ABHD4: variants seen among roughly 807,000 people sequenced by gnomAD.
The protein encoded by ABHD4 is (Lyso)-N-acylphosphatidylethanolamine lipase.
Under a neutral mutation model 42.3 loss-of-function variants are expected in ABHD4, and 35 were observed. The ratio of observed to expected loss-of-function variants is 0.83; its 90% confidence interval spans 0.63 to 1.10. ABHD4 has a LOEUF of 1.10. Ranked by LOEUF, ABHD4 falls within the 50% of genes least tolerant of loss-of-function variation. The pLI, the probability that ABHD4 is intolerant of heterozygous loss-of-function variation, is 0.00. For missense variants in ABHD4, 389 were observed against 454.8 expected (o/e 0.86, Z 1.32); for synonymous variants, 169 against 170.6 (o/e 0.99, Z 0.07).
At chr14:22,604,697 C>T (rs2037329259) in intron 4 of ABHD4, among the ~76,000 whole-genome samples, 1 of 152,154 alleles carries the variant, frequency 6.6e-6, no homozygotes, top group African/African-American at 2.4e-5. Context: ...GCAACCTCCG[C>T]CTCCTGGGTT....
Position 22,604,073 on chromosome 14 carries a change from C to T in ABHD4, c.634C>T (p.Pro212Ser). 6.2e-7 allele frequency: 1 copy of T among 1,614,112 alleles called. No homozygotes were observed. Among genetic ancestry groups the T allele is most frequent in the Non-Finnish European group, 8.5e-7 (1 of 1,180,006 alleles). Reference sequence around the variant, plus strand: ...ATTGGCTGTTCTTCGAGTAGCTGGGCCCTGGGGTGAGTAGCCTGTAGTATC... The same window carrying T: ...ATTGGCTGTTCTTCGAGTAGCTGGGTCCTGGGGTGAGTAGCCTGTAGTATC... ...NPLAVLRVAGPWGPGLVQRFR... is the reference protein window; with the variant it reads ...NPLAVLRVAGSWGPGLVQRFR... Residue 212 changes from proline to serine, a missense_variant, in exon 4 of 7, where the codon CCC (proline) becomes TCC (serine). By Grantham distance (74) the Pro-to-Ser change is moderately conservative (BLOSUM62 -1). Transcript: ENST00000428304.
rs2139277278 is a variant in ABHD4, at chr14:22,612,728, G to A, written c.*1780G>A. On this transcript the variant is annotated 3_prime_UTR_variant, in exon 7 of 7. Coordinates refer to ENST00000428304, the MANE Select transcript of ABHD4 (RefSeq NM_022060.3). ...CTGCTCTAACTTCCTCTCATCCTCT[G>A]GATCTCAGCTCAAATATTCCTTATG... 6.6e-6 allele frequency: 1 copy of A among 152,348 alleles called. No individual in the cohort carries two copies. Among genetic ancestry groups the A allele is most frequent in the East Asian group, 1.9e-4 (1 of 5,186 alleles). 9.4% of individuals were successfully genotyped at this position (152,348 alleles called of 1,614,324 possible).
At chr14:22,599,251 T>C (rs950922422) in intron 1 of ABHD4, among the ~76,000 whole-genome samples, 61 of 152,196 alleles carry the variant, frequency 4.0e-4, no homozygotes, top group African/African-American at 1.3e-3. Context: ...AAGAGGAAAT[T>C]TGCAATGCTT....
At chr14:22,598,463 G>T (rs906642117) in intron 1 of ABHD4, 134 bp downstream of exon 1, 1 of 1,539,160 alleles carries the variant, frequency 6.5e-7, no homozygotes, top group Non-Finnish European at 8.7e-7. Flanking sequence ...GGGGAGGGCG[G>T]GGGGTGGGTG....
intron 1 of ABHD4, among the ~76,000 whole-genome samples, chr14:22,600,501 T>A (rs1014016095): frequency 6.6e-6 from 1 of 152,164 alleles, no homozygotes; most frequent in African/African-American, 2.4e-5. Context: ...CTTCAAATGA[T>A]GTATCAGGAT....
intron 1 of ABHD4, 25 bp downstream of exon 1, chr14:22,598,354 T>C (rs2037241655): frequency 1.9e-6 from 3 of 1,551,530 alleles, no homozygotes. Flanking sequence ...TCCCTTTCTC[T>C]CTTTCTCTCT....
At chr14:22,605,277 GA>G (rs1237623871) in intron 4 of ABHD4, among the ~76,000 whole-genome samples, 2 of 152,288 alleles carry the variant, frequency 1.3e-5, no homozygotes, top group East Asian at 3.9e-4. Flanking sequence ...GTGCAAAGCA[GA>G]AAAGTGCAAT....
intron 1 of ABHD4, chr14:22,598,603 C>G: frequency 1.3e-6 from 1 of 799,390 alleles, no homozygotes; most frequent in Non-Finnish European, 2.0e-6. Context: ...TCATTCTCCT[C>G]TGGCCTCTGG....
Position 22,611,133 on chromosome 14 carries a change from A to G in ABHD4, c.*185A>G, listed in dbSNP as rs934115652. ...TGACCCTACACTGAAGGCTGAAGGC[A>G]GAAGCCACAAGAGGCCTTGAGTGCC... is the stretch of plus-strand genomic sequence containing the variant. On this transcript the variant is annotated 3_prime_UTR_variant, in exon 7 of 7. Coordinates refer to ENST00000428304, the MANE Select transcript of ABHD4 (RefSeq NM_022060.3). 1.7e-5 allele frequency: 10 copies of G among 600,854 alleles called. No homozygotes were observed. The Admixed American group carries it at 1.9e-4, about 11-fold the overall frequency. The allele number at this position is 600,854 out of a possible 1,614,324, so 37.2% of individuals were successfully genotyped here. A position where few individuals can be genotyped will look rare whatever the true frequency, so the allele number is the denominator to read the frequency against.
chr14:22,608,517 T>G (rs944326832), intron 5 of ABHD4, among the ~76,000 whole-genome samples: 1 of 152,200 alleles, frequency 6.6e-6, no homozygotes. Flanking sequence ...GAAGACTGAT[T>G]TTTAATTCCA....
chr14:22,598,411 T>C (rs1211982595), intron 1 of ABHD4, 82 bp downstream of exon 1: 7 of 1,545,408 alleles, frequency 4.5e-6, no homozygotes, highest in Middle Eastern at 1.7e-4. Context: ...TGAGGAACAG[T>C]TGTAGACACC....
rs567915400 is a variant in ABHD4 at position 22,611,973 on chromosome 14, T to G, written c.*1025T>G. The G allele has an allele frequency of 6.5e-6, 1 of 152,980 alleles. No homozygotes were observed. Among genetic ancestry groups the G allele is most frequent in the East Asian group, 1.9e-4 (1 of 5,194 alleles). The allele number at this position is 152,980 out of a possible 1,614,324, so 9.5% of individuals were successfully genotyped here. On this transcript the variant is annotated 3_prime_UTR_variant, in exon 7 of 7. Transcript: ENST00000428304. ...TGGGTTCTCCATGCCCATCAGTCTC[T>G]GCAGTTTCTCTACCTGCCCCCAGAG... is the stretch of plus-strand genomic sequence containing the variant.
At chr14:22,604,423 T>C (rs1194432397) in intron 4 of ABHD4, among the ~76,000 whole-genome samples, 1 of 152,132 alleles carries the variant, frequency 6.6e-6, no homozygotes, top group East Asian at 1.9e-4. Flanking sequence ...GCTAATTTTT[T>C]GTGTTTTTAG....
chr14:22,599,580 T>C (rs1359998970), intron 1 of ABHD4, among the ~76,000 whole-genome samples: 1 of 152,210 alleles, frequency 6.6e-6, no homozygotes, highest in African/African-American at 2.4e-5. Context: ...TGTTTACTTG[T>C]AACATTTTTG....
chr14:22,609,286 C>T (rs1401791823), intron 5 of ABHD4, among the ~76,000 whole-genome samples: 1 of 133,696 alleles, frequency 7.5e-6, no homozygotes, highest in Non-Finnish European at 1.7e-5. Flanking sequence ...GTGTGAGCCA[C>T]CGTGCCCAGC....
chr14:22,607,084 G>C (rs1027228264), intron 5 of ABHD4, among the ~76,000 whole-genome samples: 1 of 152,098 alleles, frequency 6.6e-6, no homozygotes, highest in Non-Finnish European at 1.5e-5. Flanking sequence ...ACTACCAATA[G>C]AATTTCTCAA....
intron 1 of ABHD4, chr14:22,598,710 C>A (rs961083797): frequency 2.1e-5 from 8 of 387,950 alleles, no homozygotes; most frequent in African/African-American, 1.3e-4. Flanking sequence ...ACTTGCCCCC[C>A]AGAACGGCAG....
intron 4 of ABHD4, among the ~76,000 whole-genome samples, 158 bp from the exon 5 acceptor site, chr14:22,606,264 C>T (rs2037347888): frequency 6.6e-6 from 1 of 152,138 alleles, no homozygotes; most frequent in South Asian, 2.1e-4. Flanking sequence ...CCAGTAGATT[C>T]CTGCACTCTT....
intron 1 of ABHD4, among the ~76,000 whole-genome samples, chr14:22,600,737 C>A (rs2037272647): frequency 6.6e-6 from 1 of 152,042 alleles, no homozygotes; most frequent in South Asian, 2.1e-4. Context: ...TTACAAGTGT[C>A]CTTACATATA....
Sources: allele counts gnomAD v4.1 joint callset (sites outside exome capture counted in the v4.1 genomes callset), GRCh38; gene constraint gnomAD v4.1.1; transcripts MANE v1.5; gene names NCBI Gene and HGNC (gene_info 2026-07-23, HGNC 2026-07-21).